The following DMD variants were observed in gnomAD, a reference collection of about 807,000 sequenced individuals.
DMD encodes mutant dystrophin.
Under a neutral mutation model 330.1 loss-of-function variants are expected in DMD, and 63 were observed. That is an observed-to-expected ratio of 0.19 (90% CI 0.16 to 0.24). The LOEUF (loss-of-function observed/expected upper bound fraction) is 0.24. Among genes scored for constraint, DMD ranks in the 10% least tolerant of loss-of-function variants. DMD has a pLI of 1.00. For synonymous variants in DMD, 1,223 were observed against 959.8 expected (o/e 1.27, Z -5.07); for missense variants, 3,344 against 2,684.1 (o/e 1.25, Z -5.43).
intron 63 of DMD, among the ~76,000 whole-genome samples, chrX:31,239,568 A>T (rs770300029): frequency 9.0e-6 from 1 of 111,424 alleles, no homozygotes; most frequent in South Asian, 3.9e-4. Flanking sequence ...ATAAAGGCTC[A>T]TTCTAAGTGG....
At position 32,800,418 on chromosome X, in the gene DMD, T is replaced by C. The variant is rs137887921; in HGVS notation, c.649+9075A>G. Among the ~76,000 whole-genome samples the C allele has an allele frequency of 9.1e-3, 1,021 of 111,634 alleles. 3 individuals carry two copies. The highest frequency in any genetic ancestry group is 0.017 in the Admixed American group (176 of 10,466). Reference sequence around the variant, plus strand: ...TTTCTTTGAATCATCATTGAGATTATCTCCTGAAAAATGCTGAGCAAAAAT... The same window carrying C: ...TTTCTTTGAATCATCATTGAGATTACCTCCTGAAAAATGCTGAGCAAAAAT... On this transcript the variant is annotated intron_variant, in intron 7 of 78. Coordinates refer to ENST00000357033, the MANE Select transcript of DMD (RefSeq NM_004006.3).
intron 2 of DMD, among the ~76,000 whole-genome samples, chrX:32,914,048 T>A (rs1743414221): frequency 8.9e-6 from 1 of 111,824 alleles, no homozygotes; most frequent in South Asian, 3.7e-4. Context: ...AGTCCTCGCC[T>A]CAGGCTTAGC....
intron 1 of DMD, among the ~76,000 whole-genome samples, chrX:33,327,147 T>A (rs555011877): frequency 1.8e-5 from 2 of 111,891 alleles, no homozygotes; most frequent in African/African-American, 6.5e-5. Context: ...ACTTACTCCT[T>A]AAGAGGAAAG....
chrX:32,373,952 A>G (rs1396217178), intron 34 of DMD, among the ~76,000 whole-genome samples: 1 of 111,832 alleles, frequency 8.9e-6, no homozygotes, highest in Non-Finnish European at 1.9e-5. Flanking sequence ...ACCCTATGAA[A>G]GCAATCAACA....
At chrX:32,371,805 G>A (rs1395325009) in intron 34 of DMD, among the ~76,000 whole-genome samples, 1 of 111,362 alleles carries the variant, frequency 9.0e-6, no homozygotes, top group Non-Finnish European at 1.9e-5. Context: ...AACAATATTT[G>A]AAATCTAAAA....
At chrX:32,935,060 G>A (rs1486184293) in intron 2 of DMD, among the ~76,000 whole-genome samples, 1 of 112,792 alleles carries the variant, frequency 8.9e-6, no homozygotes, top group Non-Finnish European at 1.9e-5. Flanking sequence ...CTCACTGCAA[G>A]CTCCGCCTCC....
chrX:33,189,267 T>C (rs761994539), intron 1 of DMD, among the ~76,000 whole-genome samples: 27 of 111,643 alleles, frequency 2.4e-4, no homozygotes, highest in Non-Finnish European at 4.1e-4. Context: ...CAAATAACTT[T>C]ATATATTAAG....
intron 28 of DMD, among the ~76,000 whole-genome samples, chrX:32,440,573 T>A (rs1165713740): frequency 1.8e-5 from 2 of 111,486 alleles, no homozygotes; most frequent in African/African-American, 6.5e-5. Flanking sequence ...AAAAGTACAC[T>A]AAAATGCATA....
rs753320108 is a variant in DMD, at chrX:33,130,813, A to T, written c.31+80469T>A. On this transcript the variant is annotated intron_variant, in intron 1 of 78. Transcript: ENST00000357033. ...TGATCCGCCTGCCTCGGCCTCCCAAAGTGCTGGGATTACAGGCGTGAGCCA... is the reference window on the plus strand; with the variant it reads ...TGATCCGCCTGCCTCGGCCTCCCAATGTGCTGGGATTACAGGCGTGAGCCA... Among the ~76,000 whole-genome samples the T allele has an allele frequency of 1.3e-4, 14 of 111,372 alleles. No individual in the cohort carries two copies. In the Admixed American group the frequency reaches 1.3e-3, roughly 11 times the overall value.
chrX:33,085,052 T>A, intron 1 of DMD, among the ~76,000 whole-genome samples: 1 of 111,482 alleles, frequency 9.0e-6, no homozygotes, highest in Non-Finnish European at 1.9e-5. Flanking sequence ...GCTCAAATGT[T>A]GGAGGAAAGG....
intron 60 of DMD, among the ~76,000 whole-genome samples, chrX:31,364,911 C>T (rs183004745): frequency 4.6e-4 from 50 of 109,702 alleles, no homozygotes; most frequent in East Asian, 2.0e-3. Context: ...TCCTGGCTAA[C>T]GGTGAAACCC....
chrX:33,307,853 G>A (rs556650184), intron 1 of DMD, among the ~76,000 whole-genome samples: 1 of 111,164 alleles, frequency 9.0e-6, no homozygotes, highest in South Asian at 3.8e-4. Context: ...AAATATTTTA[G>A]AGTCCCCAAA....
In DMD at chrX:32,658,467, A is replaced by G. The variant is rs186742503; in HGVS notation, c.961-13315T>C. ...TGTAGCCCCAAAGCATCTGGAGACA[A>G]TACATTAAGTGAATAAACATGGATG... On this transcript the variant is annotated intron_variant, in intron 9 of 78. Transcript: ENST00000357033. 1.8e-4 allele frequency among the ~76,000 whole-genome samples: 20 copies of G among 111,620 alleles called. No individual in the cohort carries two copies. The East Asian group carries it at 5.1e-3, about 28-fold the overall frequency.
intron 44 of DMD, among the ~76,000 whole-genome samples, chrX:32,045,182 C>T (rs911692445): frequency 9.1e-6 from 1 of 110,412 alleles, no homozygotes; most frequent in Admixed American, 9.6e-5. Flanking sequence ...ACTTCCTGTA[C>T]AGCCTGCAGA....
At chrX:32,929,169 T>A (rs1601994262) in intron 2 of DMD, among the ~76,000 whole-genome samples, 1 of 110,868 alleles carries the variant, frequency 9.0e-6, no homozygotes, top group East Asian at 2.8e-4. Context: ...TTGGTATATT[T>A]AATTTTGAGA....
At chrX:32,835,913 AT>A (rs768320323) in intron 4 of DMD, among the ~76,000 whole-genome samples, 1 of 111,321 alleles carries the variant, frequency 9.0e-6, no homozygotes, top group Non-Finnish European at 1.9e-5. Flanking sequence ...ATTTTGAGTG[AT>A]TTTTTTAAAC....
intron 47 of DMD, among the ~76,000 whole-genome samples, chrX:31,912,863 C>T (rs1264978553): frequency 8.9e-6 from 1 of 112,663 alleles, no homozygotes; most frequent in African/African-American, 3.2e-5. Context: ...GGCCATATGC[C>T]TGGCTTTGGC....
chrX:32,593,573 T>G (rs1470364860), intron 13 of DMD, among the ~76,000 whole-genome samples: 1 of 110,629 alleles, frequency 9.0e-6, no homozygotes, highest in Non-Finnish European at 1.9e-5. Flanking sequence ...AGGAAGGCAG[T>G]AGGCTCTCAA....
At chrX:32,019,114 CT>C (rs200912728) in intron 44 of DMD, among the ~76,000 whole-genome samples, 7,464 of 104,465 alleles carry the variant, frequency 0.071, 279 homozygotes, top group African/African-American at 0.14. Context: ...TCTGTGAGGG[CT>C]TTTTTTTTTC....
Sources: gnomAD v4.1 joint callset for allele counts (sites outside exome capture counted in the v4.1 genomes callset) on GRCh38, gnomAD v4.1.1 for gene constraint, MANE v1.5 for transcripts, NCBI Gene and HGNC (gene_info 2026-07-23, HGNC 2026-07-21) for gene names.